Variants in LMBRD1 observed in about 807,000 individuals in gnomAD.
LMBRD1 encodes the protein lysosomal cobalamin transport escort protein LMBD1.
LMBRD1 carries 64 observed loss-of-function variants against 74.8 expected under a neutral mutation model. That is an observed-to-expected ratio of 0.86 (90% CI 0.70 to 1.05). The LOEUF (loss-of-function observed/expected upper bound fraction) is 1.05. Ranked by LOEUF, LMBRD1 falls within the 50% of genes least tolerant of loss-of-function variation. LMBRD1 has a pLI of 0.00. For missense variants in LMBRD1, 652 were observed against 645.9 expected, an observed-to-expected ratio of 1.01 and a Z score of -0.10; for synonymous variants, 204 against 216.3, an observed-to-expected ratio of 0.94 and a Z score of 0.50.
At chr6:69,696,654 T>G (rs776362873) in intron 14 of LMBRD1, among the ~76,000 whole-genome samples, 2 of 152,072 alleles carry the variant, frequency 1.3e-5, no homozygotes, top group Non-Finnish European at 2.9e-5. Flanking sequence ...CTCTGCTATC[T>G]CTTTCCTGAA....
intron 1 of LMBRD1, among the ~76,000 whole-genome samples, chr6:69,794,690 C>A (rs538682621): frequency 6.6e-6 from 1 of 152,200 alleles, no homozygotes; most frequent in South Asian, 2.1e-4. Flanking sequence ...ATGAGCTTGA[C>A]AACTCTTCAA....
At chr6:69,765,540 G>GTAAT (rs1765460454) in intron 3 of LMBRD1, among the ~76,000 whole-genome samples, 2 of 152,112 alleles carry the variant, frequency 1.3e-5, no homozygotes, top group South Asian at 4.1e-4. Context: ...ATCTGAGGAT[G>GTAAT]TAATTCTCTG....
intron 4 of LMBRD1, 82 bp downstream of exon 4, chr6:69,752,177 A>C (rs1342988529): frequency 7.1e-7 from 1 of 1,413,702 alleles, no homozygotes; most frequent in Non-Finnish European, 9.7e-7. Context: ...CTCTAGAAAA[A>C]ATTCAGTCAT....
chr6:69,685,603 C>T (rs1421956199), intron 14 of LMBRD1, among the ~76,000 whole-genome samples: 1 of 152,102 alleles, frequency 6.6e-6, no homozygotes, highest in Non-Finnish European at 1.5e-5. Flanking sequence ...GAGTTCAGGA[C>T]CAGCCTGGGC....
At chr6:69,755,716 T>C (rs1765253713) in intron 3 of LMBRD1, among the ~76,000 whole-genome samples, 1 of 152,112 alleles carries the variant, frequency 6.6e-6, no homozygotes, top group South Asian at 2.1e-4. Flanking sequence ...ATAAAATAAT[T>C]TGTGTAAACT....
At position 69,780,664 on chromosome 6, in the gene LMBRD1, A is replaced by G. The variant is rs558697257; in HGVS notation, c.247-110T>C. On this transcript the variant is annotated intron_variant, in intron 2 of 15. Transcript: ENST00000649934. The stretch of plus-strand genomic sequence containing the variant: ...TCACTTCCAAAATCTATCCACCCAC[A>G]TAAAAACAATCTATGTCTTCAATAA... The G allele has an allele frequency of 6.8e-4, 531 of 781,898 alleles. 7 individuals carry two copies. In the South Asian group the frequency reaches 7.1e-3, roughly 11 times the overall value. The allele number at this position is 781,898 out of a possible 1,614,324, so 48.4% of individuals were successfully genotyped here.
At position 69,790,492 on chromosome 6, in the gene LMBRD1, G is replaced by A; in HGVS notation, c.70-20C>T. 1 of 1,608,884 alleles carries A rather than the reference G, an allele frequency of 6.2e-7. No homozygotes were observed. The highest frequency in any genetic ancestry group is 2.2e-5 in the East Asian group (1 of 44,812). ...AATAGCCTGAAATAGAACAAAAAGA[G>A]ATGTTTGTTACTACCCAGTGTATTT... On this transcript the variant is annotated intron_variant, in intron 1 of 15. Coordinates refer to ENST00000649934, the MANE Select transcript of LMBRD1 (RefSeq NM_018368.4).
chr6:69,773,331 C>T (rs1033779004), intron 3 of LMBRD1, among the ~76,000 whole-genome samples: 2 of 152,112 alleles, frequency 1.3e-5, no homozygotes, highest in Non-Finnish European at 2.9e-5. Flanking sequence ...AACTTCCCAG[C>T]CTCCAGAACT....
At chr6:69,705,878 T>G in intron 9 of LMBRD1, 3 of 1,348,062 alleles carry the variant, frequency 2.2e-6, no homozygotes, top group Non-Finnish European at 3.1e-6. Context: ...ACTGGTGGTG[T>G]TATTTCAAAG....
intron 4 of LMBRD1, among the ~76,000 whole-genome samples, chr6:69,751,885 G>C (rs1175700726): frequency 6.6e-6 from 1 of 152,136 alleles, no homozygotes; most frequent in Non-Finnish European, 1.5e-5. Flanking sequence ...AAAAAATTTT[G>C]TATGCCTGAT....
intron 14 of LMBRD1, among the ~76,000 whole-genome samples, chr6:69,693,962 G>A (rs2149840639): frequency 6.6e-6 from 1 of 151,970 alleles, no homozygotes; most frequent in African/African-American, 2.4e-5. Context: ...AAAACTAAAG[G>A]GTATGTTTTT....
At chr6:69,753,922 G>A (rs2149878792) in intron 3 of LMBRD1, among the ~76,000 whole-genome samples, 1 of 150,516 alleles carries the variant, frequency 6.6e-6, no homozygotes, top group South Asian at 2.1e-4. Flanking sequence ...GCCTGGGCGA[G>A]AGAGAGACTC....
chr6:69,733,338 C>T (rs1018628019), intron 7 of LMBRD1, among the ~76,000 whole-genome samples: 18 of 152,240 alleles, frequency 1.2e-4, no homozygotes, highest in African/African-American at 4.3e-4. Context: ...AGTTCTCAAC[C>T]TTTTCCAAGG....
chr6:69,686,337 C>CA (rs142514104), intron 14 of LMBRD1, among the ~76,000 whole-genome samples: 17,876 of 152,074 alleles, frequency 0.12, 1,407 homozygotes, highest in Middle Eastern at 0.2. Flanking sequence ...CTACATACCA[C>CA]ATCACAGCTA....
intron 4 of LMBRD1, among the ~76,000 whole-genome samples, chr6:69,750,611 T>C (rs1388452289): frequency 6.6e-6 from 1 of 152,104 alleles, no homozygotes; most frequent in Admixed American, 6.5e-5. Flanking sequence ...AGATATTCTT[T>C]AGGAAAAAAA....
intron 6 of LMBRD1, among the ~76,000 whole-genome samples, chr6:69,738,420 C>T (rs1445772650): frequency 6.6e-6 from 1 of 152,120 alleles, no homozygotes; most frequent in Non-Finnish European, 1.5e-5. Context: ...TTTCTCCCTT[C>T]TCCCCTCAGT....
At chr6:69,705,686 A>G (rs774100478) in intron 9 of LMBRD1, 6 of 921,482 alleles carry the variant, frequency 6.5e-6, no homozygotes, top group Admixed American at 3.4e-5. Context: ...CTTCATCAGT[A>G]GCAAGTTTTA....
chr6:69,676,629 G>T, intron 14 of LMBRD1, 88 bp from the exon 15 acceptor site: 3 of 1,034,284 alleles, frequency 2.9e-6, no homozygotes, highest in Non-Finnish European at 3.0e-6. Context: ...ATTAACCAAA[G>T]CTAATGACTA....
At chr6:69,720,542 TTTTGGTATATTTGGTATA>T (rs200351248) in intron 7 of LMBRD1, among the ~76,000 whole-genome samples, 1 of 152,162 alleles carries the variant, frequency 6.6e-6, no homozygotes, top group Non-Finnish European at 1.5e-5. Flanking sequence ...TTTTTTGGAC[TTTTGGTATATTTGGTATA>T]TTTGGTATAT....
Sources: allele counts gnomAD v4.1 joint callset (sites outside exome capture counted in the v4.1 genomes callset), GRCh38; gene constraint gnomAD v4.1.1; transcripts MANE v1.5; gene names NCBI Gene and HGNC (gene_info 2026-07-23, HGNC 2026-07-21).